Variants in UCMA observed in about 807,000 individuals in gnomAD.
The protein encoded by UCMA is upper zone of growth plate and cartilage matrix-associated protein.
Under a neutral mutation model 21.8 loss-of-function variants are expected in UCMA, and 21 were observed. That is an observed-to-expected ratio of 0.97 (90% CI 0.68 to 1.39). The LOEUF (loss-of-function observed/expected upper bound fraction) is 1.39. UCMA is among the 40% of genes most tolerant of loss of function. The probability of loss-of-function intolerance (pLI) is 0.00; values close to 1 mark genes in which losing one functional copy is unlikely to be tolerated. For missense variants in UCMA, 193 were observed against 178.9 expected, an observed-to-expected ratio of 1.08 and a Z score of -0.45; for synonymous variants, 76 against 67.9, an observed-to-expected ratio of 1.12 and a Z score of -0.58.
chr10:13,228,664 C>T (rs922920961), intron 4 of UCMA, among the ~76,000 whole-genome samples: 7 of 152,194 alleles, frequency 4.6e-5, no homozygotes, highest in South Asian at 2.1e-4. Flanking sequence ...AGGACATTGA[C>T]GTGAATATAA....
intron 4 of UCMA, among the ~76,000 whole-genome samples, chr10:13,223,086 C>A (rs193009541): frequency 5.7e-4 from 86 of 151,898 alleles, no homozygotes; most frequent in Admixed American, 3.3e-3. Flanking sequence ...ATTAGCCAGG[C>A]ATGGTGACAC....
At chr10:13,232,171 C>T (rs1420635524) in intron 3 of UCMA, among the ~76,000 whole-genome samples, 3 of 151,826 alleles carry the variant, frequency 2.0e-5, no homozygotes, top group African/African-American at 4.8e-5. Context: ...TTCAGGAGTT[C>T]GAAACCAGCC....
At chr10:13,224,397 G>T (rs1237458367) in intron 4 of UCMA, among the ~76,000 whole-genome samples, 1 of 150,624 alleles carries the variant, frequency 6.6e-6, no homozygotes, top group Non-Finnish European at 1.5e-5. Context: ...GAAAGAAAGA[G>T]AAAAAAAGAG....
Position 13,222,536 on chromosome 10 carries a change from A to G in UCMA, c.320-336T>C, listed in dbSNP as rs567160551. Among the ~76,000 whole-genome samples, 117 of 152,324 alleles carry G rather than the reference A, an allele frequency of 7.7e-4. No homozygotes were observed. In the Middle Eastern group the frequency reaches 0.02, roughly 27 times the overall value. ...AACCAAGACACAAGACGAAAAAGTA[A>G]CAACACAGTAGCAGGAATGGACTAC... On this transcript the variant is annotated intron_variant, in intron 4 of 4. Transcript: ENST00000378681.
At chr10:13,230,647 T>TG (rs1251167911) in intron 3 of UCMA, among the ~76,000 whole-genome samples, 1 of 152,070 alleles carries the variant, frequency 6.6e-6, no homozygotes, top group Non-Finnish European at 1.5e-5. Flanking sequence ...AAGAGGAGGC[T>TG]GGGGGGTGCT....
chr10:13,231,487 C>T (rs1356858041), intron 3 of UCMA, among the ~76,000 whole-genome samples: 2 of 152,142 alleles, frequency 1.3e-5, no homozygotes, highest in East Asian at 3.8e-4. Flanking sequence ...TGATGTTGCT[C>T]CAAGCGCCAG....
At chr10:13,229,987 CCA>C (rs763688616) in intron 3 of UCMA, among the ~76,000 whole-genome samples, 7 of 152,206 alleles carry the variant, frequency 4.6e-5, no homozygotes, top group Non-Finnish European at 1.0e-4. Context: ...GGTGGCATAT[CCA>C]AGTATACCAG....
intron 3 of UCMA, among the ~76,000 whole-genome samples, chr10:13,233,014 A>C (rs75967651): frequency 0.023 from 3,494 of 152,062 alleles, 176 homozygotes; most frequent in East Asian, 0.15. Context: ...TTAGGACCAG[A>C]GGGAGGAAGT....
intron 4 of UCMA, 53 bp downstream of exon 4, chr10:13,229,558 G>T: frequency 6.7e-7 from 1 of 1,481,652 alleles, no homozygotes; most frequent in Non-Finnish European, 9.3e-7. Context: ...CAAACCATGT[G>T]ATTTCTCCCC....
chr10:13,232,927 T>C (rs1190043200), intron 3 of UCMA, among the ~76,000 whole-genome samples: 2 of 141,534 alleles, frequency 1.4e-5, no homozygotes, highest in Admixed American at 1.4e-4. Context: ...CCCCAATGTG[T>C]TGAAAATGAA....
At chr10:13,229,556 G>A (rs1411920245) in intron 4 of UCMA, 55 bp downstream of exon 4, 2 of 1,456,312 alleles carry the variant, frequency 1.4e-6, no homozygotes, top group Non-Finnish European at 1.9e-6. Flanking sequence ...AGCAAACCAT[G>A]TGATTTCTCC....
At chr10:13,233,899 G>T (rs1417534446) in intron 1 of UCMA, 99 bp from the exon 2 acceptor site, 2 of 1,450,862 alleles carry the variant, frequency 1.4e-6, no homozygotes, top group Admixed American at 2.1e-5. Flanking sequence ...CGTCCTGCCA[G>T]GGCCTGGCAG....
chr10:13,229,914 C>T (rs888253199), intron 3 of UCMA, among the ~76,000 whole-genome samples: 13 of 152,130 alleles, frequency 8.5e-5, no homozygotes, highest in African/African-American at 3.1e-4. Context: ...CCAGCTGCCT[C>T]ATTTGCAAAT....
rs537458126 is a variant in UCMA, at chr10:13,234,367, C to T, written c.-109G>A. The T allele has an allele frequency of 3.8e-6, 4 of 1,053,206 alleles. No individual in the cohort carries two copies. Among genetic ancestry groups the T allele is most frequent in the South Asian group, 4.1e-5 (2 of 48,526 alleles). 65.2% of individuals were successfully genotyped at this position (1,053,206 alleles called of 1,614,324 possible). Reference sequence around the variant, plus strand: ...GCAGCCCAGGCGAGAGGAAGGAAGGCGGGGGAGGGAAGAGAGAGGCAGGAG... The same window carrying T: ...GCAGCCCAGGCGAGAGGAAGGAAGGTGGGGGAGGGAAGAGAGAGGCAGGAG... On this transcript the variant is annotated 5_prime_UTR_variant, in exon 1 of 5. Transcript: ENST00000378681.
intron 4 of UCMA, among the ~76,000 whole-genome samples, chr10:13,228,216 C>T (rs780319342): frequency 6.6e-6 from 1 of 152,008 alleles, no homozygotes; most frequent in Non-Finnish European, 1.5e-5. Flanking sequence ...TGCACCATCA[C>T]GCCTGGCTAA....
At chr10:13,231,160 TAACTC>T (rs1834894042) in intron 3 of UCMA, among the ~76,000 whole-genome samples, 1 of 152,236 alleles carries the variant, frequency 6.6e-6, no homozygotes, top group Non-Finnish European at 1.5e-5. Flanking sequence ...TTCTATTACT[TAACTC>T]AGATTAAAAA....
intron 4 of UCMA, among the ~76,000 whole-genome samples, chr10:13,225,213 C>T (rs950779391): frequency 1.3e-5 from 2 of 151,984 alleles, no homozygotes; most frequent in African/African-American, 4.8e-5. Flanking sequence ...ACCACCATGC[C>T]GGGCTAATTT....
chr10:13,223,966 G>A (rs570347578), intron 4 of UCMA, among the ~76,000 whole-genome samples: 2 of 152,262 alleles, frequency 1.3e-5, no homozygotes, highest in Admixed American at 1.3e-4. Flanking sequence ...GGCTATGCAA[G>A]GGTTTGGAAA....
chr10:13,227,119 G>A (rs1425928152), intron 4 of UCMA, among the ~76,000 whole-genome samples: 1 of 152,074 alleles, frequency 6.6e-6, no homozygotes, highest in Non-Finnish European at 1.5e-5. Context: ...TCCTAAGAAA[G>A]TTTGATTTGC....
Sources: allele counts gnomAD v4.1 joint callset (sites outside exome capture counted in the v4.1 genomes callset), GRCh38; gene constraint gnomAD v4.1.1; transcripts MANE v1.5; gene names NCBI Gene and HGNC (gene_info 2026-07-23, HGNC 2026-07-21).